Variants in MID1 observed in about 807,000 individuals in gnomAD.
MID1 encodes the protein midline 1.
A neutral mutation model predicts 40.4 loss-of-function variants in MID1; 7 were observed. The observed-to-expected ratio is 0.17, with a 90% CI of 0.10 to 0.33. The LOEUF is 0.33. MID1 is among the 10% of genes least tolerant of loss of function. MID1 has a pLI of 1.00. For missense variants in MID1, 367 were observed against 558.5 expected (o/e 0.66, Z 3.46); for synonymous variants, 229 against 221.2 (o/e 1.04, Z -0.31).
chrX:10,669,967 CTG>C (rs1569143220), intron 1 of MID1, among the ~76,000 whole-genome samples: 1 of 111,733 alleles, frequency 8.9e-6, no homozygotes, highest in Non-Finnish European at 1.9e-5. Context: ...CTTTGAATAT[CTG>C]TCTTAGCTAA....
Position 10,785,170 on chromosome X carries a change from T to C in MID1, c.-187+48384A>G, listed in dbSNP as rs182629665. Among the ~76,000 whole-genome samples, 598 of 110,855 alleles carry C rather than the reference T, an allele frequency of 5.4e-3. 1 individual carries two copies. The highest frequency in any genetic ancestry group is 8.0e-3 in the Non-Finnish European group (425 of 52,991). Reference sequence around the variant, plus strand: ...ACCCACAAGCATTCTTATACACCAATAACAGACAAACAGAGAGCCAAATCA... The same window carrying C: ...ACCCACAAGCATTCTTATACACCAACAACAGACAAACAGAGAGCCAAATCA... On this transcript the variant is annotated intron_variant, in intron 1 of 10. Coordinates refer to the MID1 transcript ENST00000380785.
chrX:10,829,265 T>G (rs1434517284), intron 1 of MID1, among the ~76,000 whole-genome samples: 4 of 112,157 alleles, frequency 3.6e-5, no homozygotes, highest in African/African-American at 1.3e-4. Context: ...CAGCCTTTTC[T>G]GGCTCAGGCT....
intron 1 of MID1, among the ~76,000 whole-genome samples, chrX:10,730,094 A>AAT (rs1292963484): frequency 5.5e-4 from 59 of 106,664 alleles, no homozygotes; most frequent in South Asian, 2.0e-3. Context: ...AAAAAAAAAA[A>AAT]AATAAATAAA....
chrX:10,595,737 A>G (rs1935399105), intron 1 of MID1, among the ~76,000 whole-genome samples: 1 of 111,039 alleles, frequency 9.0e-6, no homozygotes, highest in Admixed American at 9.6e-5. Context: ...GTAAGTTTTG[A>G]TGTGCTATCA....
intron 1 of MID1, chrX:10,576,953 G>A (rs1934886399): frequency 1.8e-5 from 2 of 109,849 alleles, no homozygotes; most frequent in Non-Finnish European, 3.8e-5. Context: ...AGGAAAATCG[G>A]TCCAACAATT....
At chrX:10,512,479 A>G (rs936790410) in intron 3 of MID1, among the ~76,000 whole-genome samples, 1 of 112,990 alleles carries the variant, frequency 8.9e-6, no homozygotes, top group African/African-American at 3.2e-5. Flanking sequence ...GTTTATGTCA[A>G]AAGACTGTTG....
intron 8 of MID1, among the ~76,000 whole-genome samples, chrX:10,455,430 T>C (rs745950427): frequency 1.8e-5 from 2 of 111,682 alleles, no homozygotes; most frequent in Non-Finnish European, 3.8e-5. Context: ...GCATGCCAAC[T>C]ATTCAACAAC....
At chrX:10,522,471 T>G (rs1932754164) in intron 3 of MID1, among the ~76,000 whole-genome samples, 1 of 112,462 alleles carries the variant, frequency 8.9e-6, no homozygotes, top group Admixed American at 9.4e-5. Context: ...TTTGTGGTAA[T>G]TTGTTATGGT....
rs773862762 is a variant in MID1, at chrX:10,715,684, T to A, written c.-186-95265A>T. On this transcript the variant is annotated intron_variant, in intron 1 of 10. Coordinates refer to the MID1 transcript ENST00000380785. The stretch of plus-strand genomic sequence containing the variant: ...GACTTAAATGTCCCTGTCTGACAGC[T>A]TTGAAGAGAGTAGCGGTTCTCCCAG... Among the ~76,000 whole-genome samples, 13 of 111,877 alleles carry A rather than the reference T, an allele frequency of 1.2e-4. No individual in the cohort carries two copies. In the South Asian group the frequency reaches 4.9e-3, roughly 42 times the overall value.
chrX:10,623,652 C>T (rs188780010), upstream of MID1, among the ~76,000 whole-genome samples: 54 of 111,854 alleles, frequency 4.8e-4, no homozygotes, highest in African/African-American at 1.7e-3. Flanking sequence ...ATTTGTGCCA[C>T]CTCTCTCAGT....
intron 1 of MID1, among the ~76,000 whole-genome samples, chrX:10,660,467 A>G (rs972851173): frequency 8.9e-6 from 1 of 112,341 alleles, no homozygotes; most frequent in Non-Finnish European, 1.9e-5. Flanking sequence ...CATTTCTTTC[A>G]GAAAGCCTCA....
chrX:10,580,095 G>C (rs1255481001), intron 1 of MID1, among the ~76,000 whole-genome samples: 2 of 97,971 alleles, frequency 2.0e-5, no homozygotes, highest in African/African-American at 7.5e-5. Flanking sequence ...AATAAAATTA[G>C]GTTATCATTA....
At chrX:10,637,839 T>C (rs1346500445) in intron 1 of MID1, among the ~76,000 whole-genome samples, 1 of 111,317 alleles carries the variant, frequency 9.0e-6, no homozygotes, top group Non-Finnish European at 1.9e-5. Context: ...CTTCTTAGTC[T>C]GGACAAATGT....
intron 1 of MID1, among the ~76,000 whole-genome samples, chrX:10,749,326 A>C (rs2043582670): frequency 9.0e-6 from 1 of 111,428 alleles, no homozygotes; most frequent in African/African-American, 3.3e-5. Context: ...CCCATGGACC[A>C]ACAGCGTCAG....
chrX:10,782,186 G>A (rs113826701), intron 1 of MID1, among the ~76,000 whole-genome samples: 4,886 of 111,523 alleles, frequency 0.044, 233 homozygotes, highest in African/African-American at 0.15. Context: ...GCTCAGGATC[G>A]AAACCACCAA....
intron 1 of MID1, among the ~76,000 whole-genome samples, chrX:10,770,808 A>G (rs939979427): frequency 4.5e-5 from 5 of 112,003 alleles, no homozygotes; most frequent in African/African-American, 1.6e-4. Flanking sequence ...CTTCCTTAAG[A>G]TTCTTTTTAT....
At position 10,765,330 on chromosome X, in the gene MID1, T is replaced by C. The variant is rs749504695; in HGVS notation, c.-187+68224A>G. Among the ~76,000 whole-genome samples the C allele has an allele frequency of 4.4e-5, 5 of 112,363 alleles. No individual in the cohort carries two copies. The East Asian group carries it at 1.1e-3, about 25-fold the overall frequency. ...TTTCAGCAATCTCACAGTGTGACAT[T>C]GATTTTATGGTGTAATTTAATCTGT... On this transcript the variant is annotated intron_variant, in intron 1 of 10. Coordinates refer to the MID1 transcript ENST00000380785.
At chrX:10,526,808 T>C (rs1200097461) in intron 2 of MID1, among the ~76,000 whole-genome samples, 1 of 111,967 alleles carries the variant, frequency 8.9e-6, no homozygotes, top group Non-Finnish European at 1.9e-5. Context: ...TACTGAAGTC[T>C]GCAAAGAATT....
chrX:10,510,570 C>T (rs993904813), intron 3 of MID1, among the ~76,000 whole-genome samples: 12 of 110,927 alleles, frequency 1.1e-4, no homozygotes, highest in Admixed American at 1.0e-3. Context: ...TGGTGGCTCA[C>T]GCCTGTAATC....
Sources: gnomAD v4.1 joint callset for allele counts (sites outside exome capture counted in the v4.1 genomes callset) on GRCh38, gnomAD v4.1.1 for gene constraint, MANE v1.5 for transcripts, NCBI Gene and HGNC (gene_info 2026-07-23, HGNC 2026-07-21) for gene names.